FAF1: variants seen among roughly 807,000 people sequenced by gnomAD.
FAF1 encodes the protein Fas associated factor 1.
In FAF1, 25 loss-of-function variants were observed where a neutral mutation model predicts 92.5. That is an observed-to-expected ratio of 0.27 (90% CI 0.20 to 0.38). The LOEUF is 0.38. FAF1 is among the 10% of genes least tolerant of loss of function. The pLI is 1.00. For missense variants in FAF1, 636 were observed against 793.3 expected, an observed-to-expected ratio of 0.80 and a Z score of 2.38; for synonymous variants, 234 against 273.2, an observed-to-expected ratio of 0.86 and a Z score of 1.42.
At chr1:50,911,898 A>C (rs181131498) in intron 1 of FAF1, among the ~76,000 whole-genome samples, 289 of 151,970 alleles carry the variant, frequency 1.9e-3, no homozygotes, top group Middle Eastern at 6.8e-3. Flanking sequence ...TCAATCAGGC[A>C]TGGTGGCATG....
At chr1:50,648,664 T>C (rs1296984920) in intron 8 of FAF1, among the ~76,000 whole-genome samples, 1 of 152,052 alleles carries the variant, frequency 6.6e-6, no homozygotes, top group Non-Finnish European at 1.5e-5. Context: ...CGGTGGCTCA[T>C]GCCTGCAATC....
intron 7 of FAF1, among the ~76,000 whole-genome samples, chr1:50,674,935 G>T (rs2124350011): frequency 6.6e-6 from 1 of 151,192 alleles, no homozygotes; most frequent in Admixed American, 6.6e-5. Context: ...TTGTTGCCCA[G>T]GCTGGAGTGC....
chr1:50,780,761 G>A (rs1280612309), intron 4 of FAF1: 6 of 299,912 alleles, frequency 2.0e-5, no homozygotes, highest in Non-Finnish European at 2.7e-5. Context: ...AAATCACCCC[G>A]AGGGAGCTGG....
At chr1:50,604,493 T>C (rs1251396470) in intron 8 of FAF1, among the ~76,000 whole-genome samples, 5 of 152,182 alleles carry the variant, frequency 3.3e-5, no homozygotes, top group African/African-American at 1.2e-4. Context: ...TGACTCCTAA[T>C]CTCGGTTTTT....
At chr1:50,524,302 C>G (rs1647672427) in intron 15 of FAF1, among the ~76,000 whole-genome samples, 1 of 152,092 alleles carries the variant, frequency 6.6e-6, no homozygotes, top group Non-Finnish European at 1.5e-5. Flanking sequence ...GTCAGATGTA[C>G]AGTTTGCAAA....
intron 1 of FAF1, among the ~76,000 whole-genome samples, chr1:50,921,161 T>A (rs1570142168): frequency 6.6e-6 from 1 of 152,188 alleles, no homozygotes; most frequent in East Asian, 1.9e-4. Context: ...TCCAGGGGCC[T>A]TAGGTTGGCC....
rs781526889 is a variant in FAF1, at chr1:50,519,370, A to AGGAGGGAG, written c.1494+15991_1494+15998dup. ...AATGAAGGAAGGAAGGAAGGAAGGA[A>AGGAGGGAG]GGAGGGAGGGAGGGAGGGAGGGAGG... On this transcript the variant is annotated intron_variant, in intron 15 of 18. Transcript: ENST00000396153. Among the ~76,000 whole-genome samples, 708 of 99,502 alleles carry AGGAGGGAG rather than the reference A, an allele frequency of 7.1e-3. 8 individuals carry two copies. Among genetic ancestry groups the AGGAGGGAG allele is most frequent in the African/African-American group, 0.029 (618 of 21,654 alleles). 65.3% of individuals were successfully genotyped at this position (99,502 alleles called of 152,430 possible). A position where few individuals can be genotyped will look rare whatever the true frequency, so the allele number is the denominator to read the frequency against.
In FAF1 at chr1:50,850,223, G is replaced by A. The variant is rs187718986; in HGVS notation, c.114+7706C>T. 2.9e-3 allele frequency among the ~76,000 whole-genome samples: 434 copies of A among 152,120 alleles called. 1 individual carries two copies. The highest frequency in any genetic ancestry group is 4.1e-3 in the Non-Finnish European group (282 of 67,998). On this transcript the variant is annotated intron_variant, in intron 2 of 18. Transcript: ENST00000396153. Reference sequence around the variant, plus strand: ...AAAACTTAGAGGTAGAAATACATACGGCATGTCTGAGAATATAGGCTAACT... The same window carrying A: ...AAAACTTAGAGGTAGAAATACATACAGCATGTCTGAGAATATAGGCTAACT...
chr1:50,558,660 A>G (rs553647415), intron 13 of FAF1, among the ~76,000 whole-genome samples: 1 of 152,326 alleles, frequency 6.6e-6, no homozygotes, highest in South Asian at 2.1e-4. Flanking sequence ...TTCTTTTGGA[A>G]TGGCTTGCCA....
chr1:50,787,316 CTA>C (rs1451599220), intron 4 of FAF1, among the ~76,000 whole-genome samples: 7 of 152,096 alleles, frequency 4.6e-5, no homozygotes, highest in African/African-American at 1.4e-4. Flanking sequence ...CAGGTATTGT[CTA>C]TGTGGTAGTA....
At chr1:50,491,932 AT>A (rs1646843202) in intron 15 of FAF1, 131 bp from the exon 16 acceptor site, 6 of 642,542 alleles carry the variant, frequency 9.3e-6, no homozygotes, top group Non-Finnish European at 1.6e-5. Context: ...TTTAAAGTGT[AT>A]AGGACATAAA....
intron 18 of FAF1, among the ~76,000 whole-genome samples, chr1:50,466,682 T>C (rs1646500323): frequency 6.6e-6 from 1 of 152,210 alleles, no homozygotes; most frequent in African/African-American, 2.4e-5. Flanking sequence ...AATGGATGAC[T>C]ACATCATTCT....
intron 18 of FAF1, among the ~76,000 whole-genome samples, chr1:50,441,904 G>T (rs1437593580): frequency 6.6e-6 from 1 of 151,688 alleles, no homozygotes; most frequent in Non-Finnish European, 1.5e-5. Context: ...TGGGACTACA[G>T]CTAAGCCTTT....
chr1:50,841,426 G>A (rs1644255182), intron 2 of FAF1, among the ~76,000 whole-genome samples: 1 of 152,046 alleles, frequency 6.6e-6, no homozygotes, highest in Non-Finnish European at 1.5e-5. Flanking sequence ...AAGTTGTAGT[G>A]TAAGATGGTG....
intron 2 of FAF1, among the ~76,000 whole-genome samples, chr1:50,807,156 A>G (rs933740610): frequency 4.6e-5 from 7 of 152,282 alleles, no homozygotes; most frequent in Non-Finnish European, 8.8e-5. Context: ...ACAATAAAAT[A>G]ATACAGGAGA....
rs988613392 is a variant in FAF1 at position 50,585,273 on chromosome 1, T to C, written c.841-462A>G. Among the ~76,000 whole-genome samples the C allele has an allele frequency of 9.8e-5, 15 of 152,340 alleles. 1 individual carries two copies. The South Asian group carries it at 3.1e-3, about 32-fold the overall frequency. The stretch of plus-strand genomic sequence containing the variant: ...TTCTCAGGTTTCTCTTTGTGAAATA[T>C]GGTACACTATCCTCACATTGTTATG... On this transcript the variant is annotated intron_variant, in intron 9 of 18. Transcript: ENST00000396153.
chr1:50,723,042 A>T (rs1658479894), intron 6 of FAF1, among the ~76,000 whole-genome samples: 1 of 152,196 alleles, frequency 6.6e-6, no homozygotes, highest in Non-Finnish European at 1.5e-5. Flanking sequence ...AATAGTAGGA[A>T]ATAGACAAGA....
chr1:50,764,425 C>A (rs892116233), intron 4 of FAF1, among the ~76,000 whole-genome samples: 7 of 152,194 alleles, frequency 4.6e-5, no homozygotes, highest in African/African-American at 1.7e-4. Flanking sequence ...CTGCATGTTT[C>A]CCTATGTAGC....
intron 4 of FAF1, among the ~76,000 whole-genome samples, chr1:50,775,005 A>T (rs1225805624): frequency 6.6e-6 from 1 of 152,130 alleles, no homozygotes; most frequent in Admixed American, 6.6e-5. Flanking sequence ...GCTCGCTTTC[A>T]AACCTTGTTG....
Sources: gnomAD v4.1 joint callset for allele counts (sites outside exome capture counted in the v4.1 genomes callset) on GRCh38, gnomAD v4.1.1 for gene constraint, MANE v1.5 for transcripts, NCBI Gene and HGNC (gene_info 2026-07-23, HGNC 2026-07-21) for gene names.